CFAP20DC: variants seen among roughly 807,000 people sequenced by gnomAD.
The protein encoded by CFAP20DC is CFAP20 domain containing.
A neutral mutation model predicts 101.7 loss-of-function variants in CFAP20DC; 84 were observed. The ratio of observed to expected loss-of-function variants is 0.83; its 90% CI spans 0.69 to 0.99. The LOEUF (loss-of-function observed/expected upper bound fraction) is 0.99, where lower values mean the gene tolerates loss of function less well. CFAP20DC is among the 50% of genes least tolerant of loss of function. The pLI is 0.00. For missense variants in CFAP20DC, 1,007 were observed against 970.3 expected, an observed-to-expected ratio of 1.04 and a Z score of -0.50; for synonymous variants, 359 against 351.2, an observed-to-expected ratio of 1.02 and a Z score of -0.25.
chr3:58,974,682 T>C (rs1361143746), intron 4 of CFAP20DC, among the ~76,000 whole-genome samples: 3 of 152,214 alleles, frequency 2.0e-5, no homozygotes, highest in Admixed American at 6.5e-5. Context: ...GTACAGGGGA[T>C]TGGGGCCTCG....
chr3:58,741,685 A>T (rs1277006948), downstream of CFAP20DC, among the ~76,000 whole-genome samples: 2 of 151,840 alleles, frequency 1.3e-5, no homozygotes, highest in Non-Finnish European at 2.9e-5. Flanking sequence ...TTTAGTAGAG[A>T]TGGGGTTTCA....
At chr3:58,959,942 C>T (rs1241966688) in intron 4 of CFAP20DC, among the ~76,000 whole-genome samples, 2 of 152,172 alleles carry the variant, frequency 1.3e-5, no homozygotes, top group Admixed American at 6.5e-5. Flanking sequence ...TTTCAGCATA[C>T]AAATCTTGCA....
At position 58,717,713 on chromosome 3, in the gene CFAP20DC, C is replaced by T. The variant is rs2067416742; in HGVS notation, c.198-85G>A. 2.6e-6 allele frequency: 1 copy of T among 382,490 alleles called. No individual in the cohort carries two copies. 23.7% of individuals were successfully genotyped at this position (382,490 alleles called of 1,614,324 possible). A position where few individuals can be genotyped will look rare whatever the true frequency, so the allele number is the denominator to read the frequency against. The stretch of plus-strand genomic sequence containing the variant: ...TTATTCTGGGTCTGTCCATTGTTAT[C>T]AGGAAAACAATGCTTTTTCTGGAAG... On this transcript the variant is annotated intron_variant, in intron 3 of 3. Coordinates refer to the CFAP20DC transcript ENST00000486145. The surrounding 1 kb of genome is among the most constrained non-coding windows in gnomAD (Gnocchi z 4.1).
chr3:59,008,848 C>CTTAAAGTA (rs2093508731), intron 4 of CFAP20DC, among the ~76,000 whole-genome samples: 1 of 151,748 alleles, frequency 6.6e-6, no homozygotes, highest in South Asian at 2.1e-4. Flanking sequence ...TACCCTAAAA[C>CTTAAAGTA]TTAAAGTATA....
chr3:58,965,693 T>C (rs1389880678), intron 4 of CFAP20DC, among the ~76,000 whole-genome samples: 2 of 152,204 alleles, frequency 1.3e-5, no homozygotes, highest in South Asian at 2.1e-4. Context: ...ATGTTATCTG[T>C]ATAGCTAAAT....
intron 3 of CFAP20DC, among the ~76,000 whole-genome samples, chr3:58,720,130 AATTT>A (rs1399133293): frequency 1.3e-5 from 2 of 152,202 alleles, no homozygotes; most frequent in Non-Finnish European, 2.9e-5. Flanking sequence ...TCTTCAAGCA[AATTT>A]CATCTTGTGC....
chr3:58,740,628 C>A (rs867187768), downstream of CFAP20DC, among the ~76,000 whole-genome samples: 36 of 152,252 alleles, frequency 2.4e-4, no homozygotes, highest in Middle Eastern at 0.01. This position sits in a 1 kb window ranked among gnomAD's most constrained non-coding sequence, Gnocchi z 4.6. Flanking sequence ...TATTCAGAGG[C>A]CTTATAGCCT....
At chr3:58,839,589 C>G (rs751409481) in intron 13 of CFAP20DC, among the ~76,000 whole-genome samples, 1 of 152,064 alleles carries the variant, frequency 6.6e-6, no homozygotes, top group South Asian at 2.1e-4. Context: ...CTTGGAAAAC[C>G]AAGACAGCAG....
intron 4 of CFAP20DC, 117 bp downstream of exon 4, chr3:59,039,440 A>T: frequency 1.6e-6 from 1 of 619,766 alleles, no homozygotes; most frequent in Non-Finnish European, 2.8e-6. Context: ...GACTTGATGT[A>T]AGTCACTGCT....
intron 3 of CFAP20DC, among the ~76,000 whole-genome samples, chr3:58,723,906 AAT>A (rs757332702): frequency 2.6e-5 from 4 of 152,224 alleles, no homozygotes; most frequent in African/African-American, 7.2e-5. Context: ...ACCATGGTTA[AAT>A]ATATGCCCGT....
At chr3:58,854,634 A>G (rs1559712318) in intron 12 of CFAP20DC, among the ~76,000 whole-genome samples, 1 of 152,110 alleles carries the variant, frequency 6.6e-6, no homozygotes, top group Non-Finnish European at 1.5e-5. Flanking sequence ...GTACCAAAAC[A>G]GAGATATAGA....
At chr3:58,765,490 C>CAAAAAAAAAAAAAA (rs1337049385) in intron 15 of CFAP20DC, among the ~76,000 whole-genome samples, 3 of 81,828 alleles carry the variant, frequency 3.7e-5, no homozygotes, top group African/African-American at 4.4e-5. Flanking sequence ...AAAAAAAAAC[C>CAAAAAAAAAAAAAA]AAAAAAAAAA....
chr3:58,802,869 TAAG>T (rs2073809747), intron 15 of CFAP20DC, among the ~76,000 whole-genome samples: 1 of 151,930 alleles, frequency 6.6e-6, no homozygotes, highest in Non-Finnish European at 1.5e-5. Flanking sequence ...CACAAAAAAT[TAAG>T]AAGATAGTTA....
At chr3:58,727,488 G>GCGGAC (rs2067570411) in intron 3 of CFAP20DC, 2 of 152,286 alleles carry the variant, frequency 1.3e-5, no homozygotes, top group Non-Finnish European at 2.9e-5. Context: ...CCAGGCTGGA[G>GCGGAC]TGCAGTGGCG....
At chr3:58,865,765 TG>T (rs2079637448) in intron 11 of CFAP20DC, among the ~76,000 whole-genome samples, 2 of 152,232 alleles carry the variant, frequency 1.3e-5, no homozygotes, top group African/African-American at 4.8e-5. Context: ...ATCTTCATTA[TG>T]CACTTAAACA....
intron 15 of CFAP20DC, among the ~76,000 whole-genome samples, chr3:58,775,483 C>G (rs1001129756): frequency 2.0e-5 from 3 of 152,056 alleles, no homozygotes; most frequent in African/African-American, 7.2e-5. Flanking sequence ...AACTAACTAC[C>G]ACAAATAGTT....
intron 4 of CFAP20DC, among the ~76,000 whole-genome samples, chr3:59,035,362 T>TA (rs2094078106): frequency 6.6e-6 from 1 of 151,850 alleles, no homozygotes; most frequent in Non-Finnish European, 1.5e-5. Context: ...CTGAAGGAGA[T>TA]AGAGACATGA....
intron 6 of CFAP20DC, among the ~76,000 whole-genome samples, chr3:58,886,862 G>A (rs2081676765): frequency 6.6e-6 from 1 of 152,088 alleles, no homozygotes; most frequent in African/African-American, 2.4e-5. Context: ...TGATTTTTAT[G>A]AGTAAAGTTT....
intron 13 of CFAP20DC, among the ~76,000 whole-genome samples, chr3:58,843,362 G>T (rs2077325223): frequency 6.6e-6 from 1 of 152,098 alleles, no homozygotes; most frequent in Non-Finnish European, 1.5e-5. Context: ...ACTACGTGAA[G>T]AATGCAGAAG....
Sources: allele counts gnomAD v4.1 joint callset (sites outside exome capture counted in the v4.1 genomes callset), GRCh38; gene constraint gnomAD v4.1.1; non-coding constraint Gnocchi (gnomAD v3.1); transcripts MANE v1.5; gene names NCBI Gene and HGNC (gene_info 2026-07-23, HGNC 2026-07-21).